The following BNC2 variants were observed in gnomAD, a reference collection of about 807,000 sequenced individuals.
BNC2 encodes zinc finger protein basonuclin-2.
Under a neutral mutation model 76.3 loss-of-function variants are expected in BNC2, and 20 were observed. The observed-to-expected ratio is 0.26, with a 90% CI of 0.18 to 0.38. BNC2 has a LOEUF of 0.38. Ranked by LOEUF, BNC2 falls within the 10% of genes least tolerant of loss-of-function variation. BNC2 has a pLI of 1.00. For missense variants in BNC2, 1,382 were observed against 1,399.8 expected (o/e 0.99, Z 0.20); for synonymous variants, 582 against 514.8 (o/e 1.13, Z -1.77).
intron 3 of BNC2, among the ~76,000 whole-genome samples, chr9:16,693,188 G>A (rs1823233513): frequency 6.8e-6 from 1 of 146,838 alleles, no homozygotes; most frequent in Non-Finnish European, 1.5e-5. Flanking sequence ...GTGGCAAGAA[G>A]CAGCATATCT....
intron 1 of BNC2, among the ~76,000 whole-genome samples, chr9:16,866,042 T>C (rs910087575): frequency 1.3e-5 from 2 of 152,170 alleles, no homozygotes; most frequent in Non-Finnish European, 2.9e-5. Flanking sequence ...TTTATCTCAC[T>C]GGATTATATT....
intron 1 of BNC2, among the ~76,000 whole-genome samples, chr9:16,789,008 C>G (rs1047044511): frequency 6.6e-6 from 1 of 152,208 alleles, no homozygotes; most frequent in Non-Finnish European, 1.5e-5. Context: ...TCTTGCTCCT[C>G]TCAAATCCAT....
At chr9:16,849,716 G>C (rs375080293) in intron 1 of BNC2, among the ~76,000 whole-genome samples, 2 of 151,988 alleles carry the variant, frequency 1.3e-5, no homozygotes, top group East Asian at 3.9e-4. Context: ...ATTGGAAGAA[G>C]TTCAACAACA....
chr9:16,792,952 C>T (rs1286573449), intron 1 of BNC2, among the ~76,000 whole-genome samples: 2 of 152,182 alleles, frequency 1.3e-5, no homozygotes, highest in Non-Finnish European at 2.9e-5. Flanking sequence ...ATAATCTACT[C>T]ATAAGGATAC....
intron 1 of BNC2, among the ~76,000 whole-genome samples, chr9:16,860,932 G>C (rs956714314): frequency 2.0e-5 from 3 of 151,842 alleles, no homozygotes; most frequent in African/African-American, 7.3e-5. Flanking sequence ...TGTAATGCCA[G>C]CTACTCGGGA....
chr9:16,481,598 G>T (rs943754222), intron 5 of BNC2, among the ~76,000 whole-genome samples: 1 of 152,132 alleles, frequency 6.6e-6, no homozygotes, highest in Non-Finnish European at 1.5e-5. Context: ...TGAGACCAAG[G>T]ACCCACCAAT....
At chr9:16,749,814 A>AG (rs1260303079) in intron 1 of BNC2, among the ~76,000 whole-genome samples, 2 of 152,234 alleles carry the variant, frequency 1.3e-5, no homozygotes, top group Admixed American at 1.3e-4. Flanking sequence ...GGCAAACTGT[A>AG]GAGGCCTTGA....
At chr9:16,841,391 C>T (rs1488060439) in intron 1 of BNC2, among the ~76,000 whole-genome samples, 1 of 152,190 alleles carries the variant, frequency 6.6e-6, no homozygotes, top group Non-Finnish European at 1.5e-5. Context: ...ACTGCCTATG[C>T]TACTTCCACT....
intron 3 of BNC2, among the ~76,000 whole-genome samples, chr9:16,725,800 G>C (rs917158730): frequency 2.6e-5 from 4 of 152,056 alleles, no homozygotes; most frequent in Admixed American, 2.0e-4. Flanking sequence ...TTGTTTTTTA[G>C]TTAAAATGTT....
At chr9:16,618,604 C>A (rs1440239958) in intron 3 of BNC2, among the ~76,000 whole-genome samples, 5 of 152,142 alleles carry the variant, frequency 3.3e-5, no homozygotes, top group Non-Finnish European at 5.9e-5. Context: ...ATAAAAGAAT[C>A]TACAAGTTCT....
rs1374324265 is a variant in BNC2, at chr9:16,485,126, AC to A, written c.670-47603del. ...GACACACACAGACACACACACACAC[AC>A]ACACTATTTCTATTTTTTTTCTCTG... On this transcript the variant is annotated intron_variant, in intron 5 of 6. Coordinates refer to ENST00000380672, the MANE Select transcript of BNC2 (RefSeq NM_017637.6). Among the ~76,000 whole-genome samples, 16 of 105,158 alleles carry A rather than the reference AC, an allele frequency of 1.5e-4. No homozygotes were observed. The East Asian group carries it at 4.3e-3, about 28-fold the overall frequency. The allele number at this position is 105,158 out of a possible 152,430, so 69.0% of individuals were successfully genotyped here.
At chr9:16,506,513 C>CTT (rs568955982) in intron 5 of BNC2, among the ~76,000 whole-genome samples, 1,760 of 43,224 alleles carry the variant, frequency 0.041, 388 homozygotes, top group African/African-American at 0.056. Context: ...TCTCTCTCCT[C>CTT]TTTTTTTTTT....
chr9:16,781,213 G>C (rs1826144505), intron 1 of BNC2, among the ~76,000 whole-genome samples: 1 of 45,476 alleles, frequency 2.2e-5, no homozygotes, highest in Admixed American at 2.3e-4. Context: ...ATACAAAAAA[G>C]ATTCATTTTC....
chr9:16,638,149 G>A (rs982674835), intron 3 of BNC2, among the ~76,000 whole-genome samples: 6 of 152,276 alleles, frequency 3.9e-5, no homozygotes, highest in South Asian at 2.1e-4. Context: ...AAGCTTTCTC[G>A]TGATATTTCC....
chr9:16,598,755 A>T lies in BNC2; in HGVS notation c.331-15670T>A, dbSNP rs149299794. On this transcript the variant is annotated intron_variant, in intron 3 of 6. Transcript: ENST00000380672. ...TTACCATACTGTACCTGAAACCCAA[A>T]ATAGGAAAACAGACTCATCACAGCT... Among the ~76,000 whole-genome samples the T allele has an allele frequency of 2.5e-4, 38 of 152,294 alleles. No homozygotes were observed. In the East Asian group the frequency reaches 3.3e-3, roughly 13 times the overall value.
chr9:16,699,998 T>C (rs573183401), intron 3 of BNC2, among the ~76,000 whole-genome samples: 1 of 152,260 alleles, frequency 6.6e-6, no homozygotes, highest in Non-Finnish European at 1.5e-5. Context: ...GACATTATTT[T>C]CCCAGTTAAG....
At chr9:16,828,806 A>C (rs998078371) in intron 1 of BNC2, among the ~76,000 whole-genome samples, 2 of 152,226 alleles carry the variant, frequency 1.3e-5, no homozygotes, top group African/African-American at 4.8e-5. Flanking sequence ...GAAGATCGCC[A>C]TAACAACCGC....
intron 5 of BNC2, among the ~76,000 whole-genome samples, chr9:16,519,769 T>C (rs966479115): frequency 6.6e-6 from 1 of 152,056 alleles, no homozygotes; most frequent in African/African-American, 2.4e-5. Context: ...AAAAGTGAGG[T>C]TCATGGAGGT....
At chr9:16,451,071 T>G (rs1821330197) in intron 5 of BNC2, among the ~76,000 whole-genome samples, 1 of 151,698 alleles carries the variant, frequency 6.6e-6, no homozygotes, top group East Asian at 1.9e-4. Flanking sequence ...AACTTTATCT[T>G]TTAAGGCTGG....
Sources: allele counts gnomAD v4.1 joint callset (sites outside exome capture counted in the v4.1 genomes callset), GRCh38; gene constraint gnomAD v4.1.1; transcripts MANE v1.5; gene names NCBI Gene and HGNC (gene_info 2026-07-23, HGNC 2026-07-21).